Variants in CAMTA1 observed in about 807,000 individuals in gnomAD.
The protein encoded by CAMTA1 is calmodulin-binding transcription activator 1.
CAMTA1 carries 27 observed loss-of-function variants against 170.9 expected under a neutral mutation model. That is an observed-to-expected ratio of 0.16 (90% confidence interval 0.12 to 0.22). The LOEUF is 0.22. Among genes scored for constraint, CAMTA1 ranks in the 10% least tolerant of loss-of-function variants. CAMTA1 has a pLI of 1.00. For synonymous variants in CAMTA1, 833 were observed against 891.5 expected, an observed-to-expected ratio of 0.93 and a Z score of 1.17; for missense variants, 1,619 against 2,217.2, an observed-to-expected ratio of 0.73 and a Z score of 5.42.
intron 6 of CAMTA1, among the ~76,000 whole-genome samples, chr1:7,604,191 G>C (rs1052996563): frequency 7.9e-5 from 12 of 152,130 alleles, no homozygotes; most frequent in African/African-American, 2.9e-4. Flanking sequence ...GAGTATCTTT[G>C]TGGCGTTCTC....
intron 6 of CAMTA1, among the ~76,000 whole-genome samples, chr1:7,596,013 C>A (rs1283527130): frequency 6.6e-6 from 1 of 152,254 alleles, no homozygotes; most frequent in African/African-American, 2.4e-5. Flanking sequence ...GGGACCCCGG[C>A]TTCAGCAACA....
intron 4 of CAMTA1, among the ~76,000 whole-genome samples, chr1:7,208,066 C>T (rs568351005): frequency 6.6e-6 from 1 of 152,384 alleles, no homozygotes; most frequent in African/African-American, 2.4e-5. Context: ...CATGCTTGCT[C>T]CTCTTGTGGC....
In CAMTA1 at chr1:7,737,459, C is replaced by A. The variant is rs766876066; in HGVS notation, c.3547C>A (p.Pro1183Thr). The A allele has an allele frequency of 4.3e-6, 7 of 1,614,116 alleles. No individual in the cohort carries two copies. The highest frequency in any genetic ancestry group is 5.9e-6 in the Non-Finnish European group (7 of 1,179,974). The stretch of plus-strand genomic sequence containing the variant: ...GGGACAGAACCCCAGAATCCACTGT[C>A]CTGCAAGCGAAGAGCCCAGCACAGA... ...QLGQNPRIHCPASEEPSTESW... is the reference protein window; with the variant it reads ...QLGQNPRIHCTASEEPSTESW... Residue 1183 changes from proline (P) to threonine (T), a missense_variant, in exon 15 of 23, where the codon CCT becomes ACT. Physicochemically the swap from Pro to Thr is conservative, Grantham distance 38 (BLOSUM62 -1). Coordinates refer to ENST00000303635, the MANE Select transcript of CAMTA1 (RefSeq NM_015215.4).
intron 5 of CAMTA1, among the ~76,000 whole-genome samples, chr1:7,448,675 G>A (rs760138087): frequency 1.8e-4 from 27 of 152,184 alleles, no homozygotes; most frequent in Non-Finnish European, 3.1e-4. Context: ...TTCATAGACC[G>A]TGCCTTCTTG....
intron 5 of CAMTA1, among the ~76,000 whole-genome samples, chr1:7,356,399 T>C (rs2085115365): frequency 6.6e-6 from 1 of 152,208 alleles, no homozygotes; most frequent in Non-Finnish European, 1.5e-5. Flanking sequence ...GCTGATGCTG[T>C]TTTAGCACCA....
At chr1:7,237,832 C>A (rs1049299684) in intron 4 of CAMTA1, among the ~76,000 whole-genome samples, 1 of 152,236 alleles carries the variant, frequency 6.6e-6, no homozygotes, top group South Asian at 2.1e-4. Context: ...CTCATTGTTA[C>A]TCCCCACAGG....
intron 5 of CAMTA1, among the ~76,000 whole-genome samples, chr1:7,366,405 C>T (rs749504251): frequency 5.3e-5 from 8 of 152,200 alleles, no homozygotes; most frequent in Admixed American, 1.3e-4. Context: ...TCCAAGGCCG[C>T]GGGTTGCCTT....
chr1:6,878,075 C>G (rs779041916), intron 3 of CAMTA1, among the ~76,000 whole-genome samples: 1 of 152,216 alleles, frequency 6.6e-6, no homozygotes, highest in South Asian at 2.1e-4. Context: ...ATTAAAGAAA[C>G]ACCAGACCAG....
rs1458455367 is a variant in CAMTA1, at chr1:7,044,402, G to A, written c.235-46902G>A. Among the ~76,000 whole-genome samples the A allele has an allele frequency of 5.9e-5, 9 of 151,574 alleles. No individual in the cohort carries two copies. Among genetic ancestry groups the A allele is most frequent in the Admixed American group, 5.3e-4 (8 of 15,222 alleles). On this transcript the variant is annotated intron_variant, in intron 3 of 22. Transcript: ENST00000303635. The surrounding 1 kb of genome is among the most constrained non-coding windows in gnomAD (Gnocchi z 5.0). ...TCACAGCAGTACTGCTGGGGACGCC[G>A]AGGACGCAGAGCCGTGCCACTGGGG...
chr1:6,847,941 G>A (rs1318355475), intron 3 of CAMTA1, among the ~76,000 whole-genome samples: 2 of 148,524 alleles, frequency 1.3e-5, no homozygotes, highest in African/African-American at 5.0e-5. Context: ...TTGAACTCCT[G>A]ACCTCGTAAT....
intron 5 of CAMTA1, among the ~76,000 whole-genome samples, chr1:7,303,246 G>C (rs1675058908): frequency 6.6e-6 from 1 of 152,182 alleles, no homozygotes; most frequent in South Asian, 2.1e-4. Context: ...CCTTCTTAAA[G>C]AGCATGGCTT....
chr1:6,981,792 C>T (rs2149651400), intron 3 of CAMTA1, among the ~76,000 whole-genome samples: 1 of 151,520 alleles, frequency 6.6e-6, no homozygotes, highest in South Asian at 2.1e-4. Context: ...TGCAGTGGTG[C>T]AATCACAGCT....
rs1478368128 is a variant in CAMTA1, at chr1:7,585,698, A to G, written c.511-54702A>G. Among the ~76,000 whole-genome samples the G allele has an allele frequency of 6.6e-6, 1 of 150,986 alleles. No individual in the cohort carries two copies. The highest frequency in any genetic ancestry group is 2.5e-5 in the African/African-American group (1 of 40,326). On this transcript the variant is annotated intron_variant, in intron 6 of 22. Transcript: ENST00000303635. This position sits in a 1 kb window ranked among gnomAD's most constrained non-coding sequence, Gnocchi z 4.8. The stretch of plus-strand genomic sequence containing the variant: ...ACAAGAATAGGTAGCCTCAAGGGGC[A>G]GGAGGGGAATGGCCAGGATGCGGGG...
rs1185308498 is a variant in CAMTA1 at position 7,154,263 on chromosome 1, G to A, written c.302+62892G>A. Reference sequence around the variant, plus strand: ...TTGACCCTGGAGGTAACCCCCACCCGAGACTCCCGTCTGTAGGTGTTGAGG... The same window carrying A: ...TTGACCCTGGAGGTAACCCCCACCCAAGACTCCCGTCTGTAGGTGTTGAGG... On this transcript the variant is annotated intron_variant, in intron 4 of 22. Coordinates refer to ENST00000303635, the MANE Select transcript of CAMTA1 (RefSeq NM_015215.4). Among the ~76,000 whole-genome samples, 3 of 152,124 alleles carry A rather than the reference G, an allele frequency of 2.0e-5. No individual in the cohort carries two copies. In the East Asian group the frequency reaches 5.8e-4, roughly 29 times the overall value.
intron 5 of CAMTA1, among the ~76,000 whole-genome samples, chr1:7,459,750 AAGAG>A (rs2093039446): frequency 6.6e-6 from 1 of 152,192 alleles, no homozygotes; most frequent in Non-Finnish European, 1.5e-5. Context: ...CCAAATCTGG[AAGAG>A]AGAGACTTTC....
intron 6 of CAMTA1, among the ~76,000 whole-genome samples, chr1:7,520,887 C>A (rs2094356610): frequency 6.7e-6 from 1 of 149,984 alleles, no homozygotes; most frequent in Admixed American, 6.7e-5. Context: ...CCAGACACTG[C>A]AAAATCCCCT....
At chr1:7,729,917 G>A (rs1475022195) in intron 11 of CAMTA1, among the ~76,000 whole-genome samples, 1 of 152,212 alleles carries the variant, frequency 6.6e-6, no homozygotes, top group Non-Finnish European at 1.5e-5. Context: ...AAGGAGTGGT[G>A]ATAAAATATT....
chr1:6,976,770 G>T (rs528258996), intron 3 of CAMTA1, among the ~76,000 whole-genome samples: 1 of 152,186 alleles, frequency 6.6e-6, no homozygotes, highest in Non-Finnish European at 1.5e-5. Flanking sequence ...ATATGGTTTC[G>T]CTGTGTCCCC....
intron 3 of CAMTA1, among the ~76,000 whole-genome samples, chr1:6,921,116 C>G (rs1681923653): frequency 6.6e-6 from 1 of 152,216 alleles, no homozygotes; most frequent in Non-Finnish European, 1.5e-5. Context: ...CCTTTTGAAA[C>G]TGAATGCCTT....
Sources: allele counts gnomAD v4.1 joint callset (sites outside exome capture counted in the v4.1 genomes callset), GRCh38; gene constraint gnomAD v4.1.1; non-coding constraint Gnocchi (gnomAD v3.1); transcripts MANE v1.5; gene names NCBI Gene and HGNC (gene_info 2026-07-23, HGNC 2026-07-21).